Variants in GRIP1 observed in about 807,000 individuals in gnomAD.
The protein encoded by GRIP1 is glutamate receptor-interacting protein 1.
In GRIP1, 45 loss-of-function variants were observed where a neutral mutation model predicts 129.9. The observed-to-expected ratio is 0.35, with a 90% CI of 0.27 to 0.44. The LOEUF is 0.44. Ranked by LOEUF, GRIP1 falls within the 20% of genes least tolerant of loss-of-function variation. The pLI is 1.00. For synonymous variants in GRIP1, 530 were observed against 520.8 expected, an observed-to-expected ratio of 1.02 and a Z score of -0.24; for missense variants, 1,196 against 1,396.8, an observed-to-expected ratio of 0.86 and a Z score of 2.29.
chr12:66,584,367 C>T (rs1277482279), intron 2 of GRIP1, among the ~76,000 whole-genome samples: 1 of 151,858 alleles, frequency 6.6e-6, no homozygotes, highest in Admixed American at 6.6e-5. Flanking sequence ...TGTAACTAAC[C>T]TGCACATTGT....
At chr12:66,510,819 A>G (rs61925951) in intron 7 of GRIP1, among the ~76,000 whole-genome samples, 14,270 of 152,198 alleles carry the variant, frequency 0.094, 827 homozygotes, top group Non-Finnish European at 0.13. Flanking sequence ...GTGTACTTGT[A>G]ATAGTATGTA....
chr12:67,055,108 C>A (rs55809709), intron 1 of GRIP1, among the ~76,000 whole-genome samples: 2,399 of 152,276 alleles, frequency 0.016, 69 homozygotes, highest in African/African-American at 0.055. Context: ...ACAGGCAAAT[C>A]TCTCATGGAA....
At chr12:66,915,043 T>C (rs10506516) in intron 1 of GRIP1, among the ~76,000 whole-genome samples, 1,619 of 152,306 alleles carry the variant, frequency 0.011, 62 homozygotes, top group East Asian at 0.1. Context: ...GTCCCAGTTT[T>C]GTGTCTCCCA....
At chr12:66,698,802 T>A (rs1050988534) in intron 1 of GRIP1, among the ~76,000 whole-genome samples, 7 of 152,206 alleles carry the variant, frequency 4.6e-5, no homozygotes, top group Non-Finnish European at 8.8e-5. Flanking sequence ...AATGTTACCA[T>A]AACAAACTTG....
chr12:66,898,090 A>C (rs756976013), intron 1 of GRIP1, among the ~76,000 whole-genome samples: 1 of 152,204 alleles, frequency 6.6e-6, no homozygotes, highest in Non-Finnish European at 1.5e-5. Flanking sequence ...TATGTTCCAC[A>C]TTCCCCAAAA....
intron 2 of GRIP1, among the ~76,000 whole-genome samples, chr12:66,560,179 T>G (rs2062470968): frequency 6.6e-6 from 1 of 152,114 alleles, no homozygotes; most frequent in African/African-American, 2.4e-5. Context: ...CAAAGTGGAT[T>G]AAAGAATTAA....
chr12:66,383,064 A>C (rs1592734072), intron 19 of GRIP1, among the ~76,000 whole-genome samples: 1 of 152,232 alleles, frequency 6.6e-6, no homozygotes, highest in South Asian at 2.1e-4. Context: ...TGGGAGCCTG[A>C]GGCAGGTGGA....
At chr12:66,579,532 C>T (rs2063287291) in intron 2 of GRIP1, among the ~76,000 whole-genome samples, 1 of 152,096 alleles carries the variant, frequency 6.6e-6, no homozygotes, top group Admixed American at 6.5e-5. Context: ...GAATGTATAA[C>T]TAGAATAACC....
intron 2 of GRIP1, among the ~76,000 whole-genome samples, chr12:66,596,372 A>C (rs993069530): frequency 3.3e-5 from 5 of 152,246 alleles, no homozygotes; most frequent in Non-Finnish European, 7.3e-5. Flanking sequence ...TTTCCTAAGG[A>C]AACAAAATCA....
intron 1 of GRIP1, among the ~76,000 whole-genome samples, chr12:66,782,039 T>C (rs1249005369): frequency 6.6e-6 from 1 of 152,200 alleles, no homozygotes; most frequent in African/African-American, 2.4e-5. Flanking sequence ...TGGTTAACCT[T>C]GGATAAGAAT....
At chr12:67,036,196 T>C (rs1251462328) in intron 1 of GRIP1, among the ~76,000 whole-genome samples, 1 of 152,162 alleles carries the variant, frequency 6.6e-6, no homozygotes, top group Non-Finnish European at 1.5e-5. Flanking sequence ...CAAAAAAACT[T>C]AGTAGCCGAG....
At chr12:66,492,575 C>T (rs1012672671) in intron 7 of GRIP1, among the ~76,000 whole-genome samples, 12 of 152,126 alleles carry the variant, frequency 7.9e-5, no homozygotes, top group African/African-American at 2.2e-4. Flanking sequence ...ATCTTGAATT[C>T]AGTGAGTCCC....
chr12:66,817,421 C>A (rs1278738664), intron 1 of GRIP1, among the ~76,000 whole-genome samples: 1 of 151,872 alleles, frequency 6.6e-6, no homozygotes, highest in Non-Finnish European at 1.5e-5. Context: ...GTATTTTTTA[C>A]TTTTTGGGAT....
intron 1 of GRIP1, among the ~76,000 whole-genome samples, chr12:67,031,839 T>C (rs764097981): frequency 4.6e-5 from 7 of 152,194 alleles, no homozygotes; most frequent in African/African-American, 7.2e-5. Flanking sequence ...GTTTGTCTTC[T>C]TTTGTTTGGG....
chr12:66,629,979 T>A (rs1047390383), intron 1 of GRIP1, among the ~76,000 whole-genome samples: 1 of 152,182 alleles, frequency 6.6e-6, no homozygotes, highest in African/African-American at 2.4e-5. Flanking sequence ...TGGGGGCCTT[T>A]ACACACTTTT....
chr12:66,805,166 A>T (rs1330322478), upstream of GRIP1, among the ~76,000 whole-genome samples: 1 of 152,224 alleles, frequency 6.6e-6, no homozygotes, highest in Non-Finnish European at 1.5e-5. Context: ...TTAAAAAAAC[A>T]TGAAAGTAAA....
At chr12:66,361,600 G>C (rs903815430) in intron 23 of GRIP1, among the ~76,000 whole-genome samples, 1 of 152,182 alleles carries the variant, frequency 6.6e-6, no homozygotes, top group Non-Finnish European at 1.5e-5. Flanking sequence ...TAGTCCCCTA[G>C]TTATTGCCAG....
chr12:66,741,524 A>G (rs956097051), intron 1 of GRIP1, among the ~76,000 whole-genome samples: 19 of 152,244 alleles, frequency 1.2e-4, no homozygotes, highest in Admixed American at 1.2e-3. Flanking sequence ...TATCCAGTAG[A>G]AATATTATGT....
At chr12:66,867,492 G>C (rs571362252) in intron 1 of GRIP1, among the ~76,000 whole-genome samples, 2 of 151,962 alleles carry the variant, frequency 1.3e-5, no homozygotes, top group African/African-American at 4.8e-5. Flanking sequence ...TGTAGGCAAG[G>C]GTCCTACGAA....
Sources: gnomAD v4.1 joint callset for allele counts (sites outside exome capture counted in the v4.1 genomes callset) on GRCh38, gnomAD v4.1.1 for gene constraint, MANE v1.5 for transcripts, NCBI Gene and HGNC (gene_info 2026-07-23, HGNC 2026-07-21) for gene names.